PTPRG: variants seen among roughly 807,000 people sequenced by gnomAD.
PTPRG encodes the protein protein tyrosine phosphatase receptor type G.
A neutral mutation model predicts 165.3 loss-of-function variants in PTPRG; 102 were observed. The ratio of observed to expected loss-of-function variants is 0.62; its 90% CI spans 0.53 to 0.73. The LOEUF is 0.73. PTPRG is among the 30% of genes least tolerant of loss of function. The pLI is 0.00. For missense variants in PTPRG, 1,866 were observed against 1,861.4 expected, an observed-to-expected ratio of 1.00 and a Z score of -0.05; for synonymous variants, 675 against 669.5, an observed-to-expected ratio of 1.01 and a Z score of -0.13.
chr3:62,269,164 A>G lies in PTPRG; in HGVS notation c.3004A>G (p.Lys1002Glu). The G allele has an allele frequency of 6.3e-7, 1 of 1,575,398 alleles. No individual in the cohort carries two copies. The highest frequency in any genetic ancestry group is 8.7e-7 in the Non-Finnish European group (1 of 1,152,882). ...TTTTTCAATCAGAAATACAAAAGTGAAAAAGGTATGGAAGGAATTGGGTAG... is the reference window on the plus strand; with the variant it reads ...TTTTTCAATCAGAAATACAAAAGTGGAAAAGGTATGGAAGGAATTGGGTAG... ...RRFSIRNTKV[K>E]KGQKGNPKGR... Residue 1002 changes from lysine to glutamate, a missense_variant, in exon 20 of 30, where the codon AAA becomes GAA. Around this residue, in one of 3 missense-constraint regions of PTPRG, gnomAD observed 1,452 missense variants for 1,463.0 expected, o/e 0.99. Coordinates refer to ENST00000474889, the MANE Select transcript of PTPRG (RefSeq NM_002841.4).
chr3:62,121,110 A>AT (rs67168345), intron 5 of PTPRG, among the ~76,000 whole-genome samples: 34,488 of 141,398 alleles, frequency 0.24, 4,339 homozygotes, highest in Non-Finnish European at 0.31. Context: ...AGCCTGGCTA[A>AT]TTTTTTTTTT....
intron 5 of PTPRG, among the ~76,000 whole-genome samples, chr3:62,123,626 T>G (rs1848418): frequency 0.33 from 50,349 of 152,054 alleles, 8,909 homozygotes; most frequent in East Asian, 0.51. Flanking sequence ...GTTTAAACTT[T>G]TATAAAAAGT....
intron 5 of PTPRG, among the ~76,000 whole-genome samples, chr3:62,081,825 G>A (rs991027164): frequency 6.6e-6 from 1 of 152,218 alleles, no homozygotes; most frequent in African/African-American, 2.4e-5. Context: ...CCAAAATAGA[G>A]AAATCTTGGT....
At chr3:61,664,863 A>G (rs1702764654) in intron 1 of PTPRG, among the ~76,000 whole-genome samples, 1 of 152,050 alleles carries the variant, frequency 6.6e-6, no homozygotes, top group Admixed American at 6.6e-5. Flanking sequence ...TAAAAAAAAT[A>G]AAAAAGCATT....
At chr3:61,689,681 C>T (rs1236092127) in intron 1 of PTPRG, among the ~76,000 whole-genome samples, 4 of 152,040 alleles carry the variant, frequency 2.6e-5, no homozygotes, top group African/African-American at 4.8e-5. Context: ...TCTTCATATC[C>T]CAGGTAAGGT....
intron 2 of PTPRG, among the ~76,000 whole-genome samples, chr3:61,819,861 C>A (rs1014635191): frequency 7.2e-5 from 11 of 152,064 alleles, no homozygotes; most frequent in Non-Finnish European, 1.6e-4. Flanking sequence ...ATGTGTATGG[C>A]CCTTATTTGG....
intron 6 of PTPRG, among the ~76,000 whole-genome samples, chr3:62,133,056 C>G (rs1217394585): frequency 6.6e-6 from 1 of 152,160 alleles, no homozygotes; most frequent in Non-Finnish European, 1.5e-5. Context: ...TTTTAAGTAG[C>G]CAGACAAGTT....
At chr3:61,678,985 T>G (rs1703334030) in intron 1 of PTPRG, among the ~76,000 whole-genome samples, 1 of 152,072 alleles carries the variant, frequency 6.6e-6, no homozygotes, top group Admixed American at 6.5e-5. Flanking sequence ...TTCCCCCCGT[T>G]AAGTGACGAC....
chr3:61,627,480 C>T (rs755324474), intron 1 of PTPRG, among the ~76,000 whole-genome samples: 2 of 152,052 alleles, frequency 1.3e-5, no homozygotes, highest in Non-Finnish European at 2.9e-5. Flanking sequence ...CTTTATCAGG[C>T]CTACTTCTTT....
rs747126924 is a variant in PTPRG, at chr3:61,686,983, A to G, written c.86-61895A>G. ...TGACTTTGATTTATAGAATATATAC[A>G]TACATTATCAGTTCAGAAAATTAAA... On this transcript the variant is annotated intron_variant, in intron 1 of 29. Coordinates refer to ENST00000474889, the MANE Select transcript of PTPRG (RefSeq NM_002841.4). Among the ~76,000 whole-genome samples the G allele has an allele frequency of 1.2e-4, 18 of 152,198 alleles. 1 individual carries two copies. The highest frequency in any genetic ancestry group is 1.1e-3 in the Admixed American group (17 of 15,284).
At chr3:62,029,620 C>G (rs986611) in intron 4 of PTPRG, among the ~76,000 whole-genome samples, 62,043 of 151,952 alleles carry the variant, frequency 0.41, 13,929 homozygotes, top group African/African-American at 0.59. Context: ...AAACCCAAGG[C>G]AAATTGACTA....
At chr3:61,570,519 G>C (rs921191981) in intron 1 of PTPRG, among the ~76,000 whole-genome samples, 1 of 152,176 alleles carries the variant, frequency 6.6e-6, no homozygotes, top group African/African-American at 2.4e-5. Context: ...GCAGGGTGTT[G>C]TATAATGCAG....
chr3:62,085,770 T>C (rs1234826129), intron 5 of PTPRG, among the ~76,000 whole-genome samples: 1 of 152,252 alleles, frequency 6.6e-6, no homozygotes, highest in African/African-American at 2.4e-5. Flanking sequence ...ATGTATTCAT[T>C]CTTGCATTCA....
chr3:61,674,593 T>C (rs2365941), intron 1 of PTPRG, among the ~76,000 whole-genome samples: 8,906 of 151,934 alleles, frequency 0.059, 583 homozygotes, highest in African/African-American at 0.16. Flanking sequence ...AAAATTCGAT[T>C]GATGTGCTGC....
At chr3:62,288,422 C>A (rs896802416) in intron 28 of PTPRG, among the ~76,000 whole-genome samples, 1 of 152,152 alleles carries the variant, frequency 6.6e-6, no homozygotes, top group Non-Finnish European at 1.5e-5. Context: ...CACCTATAAT[C>A]CCAGCACTTT....
intron 1 of PTPRG, among the ~76,000 whole-genome samples, chr3:61,634,331 A>G (rs1701845839): frequency 6.6e-6 from 1 of 151,224 alleles, no homozygotes; most frequent in Non-Finnish European, 1.5e-5. Flanking sequence ...TCCGCCTCCC[A>G]GGTTCAAGCG....
rs894929478 is a variant in PTPRG at position 62,295,917 on chromosome 3, T to C, written c.*2610T>C. On this transcript the variant is annotated 3_prime_UTR_variant, in exon 30 of 30. Coordinates refer to ENST00000474889, the MANE Select transcript of PTPRG (RefSeq NM_002841.4). ...GGGTTTTCTTTGAGACATAAGCACA[T>C]TGCTTAAGTACATAACAAGGTTATT... 2.0e-5 allele frequency: 3 copies of C among 152,090 alleles called. No homozygotes were observed. The highest frequency in any genetic ancestry group is 6.6e-5 in the Admixed American group (1 of 15,260). The allele number at this position is 152,090 out of a possible 1,614,324, so 9.4% of individuals were successfully genotyped here.
intron 19 of PTPRG, 44 bp downstream of exon 19, chr3:62,267,863 C>G (rs779430981): frequency 6.3e-7 from 1 of 1,595,022 alleles, no homozygotes; most frequent in African/African-American, 1.4e-5. Flanking sequence ...CACCTTCATT[C>G]AAAAGATACT....
intron 19 of PTPRG, among the ~76,000 whole-genome samples, chr3:62,268,354 T>C (rs1701950816): frequency 6.6e-6 from 1 of 152,054 alleles, no homozygotes; most frequent in Non-Finnish European, 1.5e-5. Flanking sequence ...CATTAGATGA[T>C]GCTAATTTAG....
Sources: allele counts gnomAD v4.1 joint callset (sites outside exome capture counted in the v4.1 genomes callset), GRCh38; gene constraint gnomAD v4.1.1; regional missense constraint gnomAD v4.1.1; transcripts MANE v1.5; gene names NCBI Gene and HGNC (gene_info 2026-07-23, HGNC 2026-07-21).